LIN7A: variants seen among roughly 807,000 people sequenced by gnomAD.
The protein encoded by LIN7A is lin-7 cell polarity scaffold A.
A neutral mutation model predicts 29.8 loss-of-function variants in LIN7A; 25 were observed. The ratio of observed to expected loss-of-function variants is 0.84; its 90% confidence interval spans 0.61 to 1.17. The LOEUF is 1.17. LIN7A is among the 50% of genes most tolerant of loss of function. LIN7A has a pLI of 0.00. For synonymous variants in LIN7A, 118 were observed against 107.5 expected (o/e 1.10, Z -0.60); for missense variants, 239 against 287.0 (o/e 0.83, Z 1.21).
At chr12:80,862,572 G>A (rs1394394420) in intron 2 of LIN7A, among the ~76,000 whole-genome samples, 4 of 152,042 alleles carry the variant, frequency 2.6e-5, no homozygotes, top group Non-Finnish European at 4.4e-5. Flanking sequence ...GGCCAACAGC[G>A]CTATAATGCA....
At chr12:80,838,408 C>G (rs1182867289) in intron 4 of LIN7A, among the ~76,000 whole-genome samples, 1 of 152,184 alleles carries the variant, frequency 6.6e-6, no homozygotes, top group African/African-American at 2.4e-5. Context: ...TAAAAGATCT[C>G]TTATTGTGAG....
rs1871296966 is a variant in LIN7A at position 80,811,611 on chromosome 12, C to A, written c.556G>T (p.Val186Leu). 1 of 1,614,090 alleles carries A rather than the reference C, an allele frequency of 6.2e-7. No individual in the cohort carries two copies. The highest frequency in any genetic ancestry group is 8.5e-7 in the Non-Finnish European group (1 of 1,179,988). ...KAAKDSVKLV[V>L]RYTPKVLEEM... is the part of the protein sequence containing the mutation. ...TCCAGAACTTTTGGGGTGTATCGCACCACCAGCTTGACGCTGTCTTTAGCA... is the reference window on the plus strand; with the variant it reads ...TCCAGAACTTTTGGGGTGTATCGCAACACCAGCTTGACGCTGTCTTTAGCA... The change falls in exon 5 of 6, where the codon GTG (valine) becomes TTG (leucine). Residue 186 changes from valine (V) to leucine (L), a missense_variant. Val to Leu is a conservative substitution (Grantham distance 32, BLOSUM62 1). Transcript: ENST00000552864.
intron 4 of LIN7A, chr12:80,841,858 C>G (rs1404277860): frequency 2.1e-5 from 21 of 999,764 alleles, no homozygotes; most frequent in Non-Finnish European, 2.4e-5. Context: ...CATTAGAAAG[C>G]TATAAATTCT....
At chr12:80,917,914 T>A (rs1369803647) in intron 1 of LIN7A, among the ~76,000 whole-genome samples, 15 of 152,256 alleles carry the variant, frequency 9.9e-5, no homozygotes, top group Non-Finnish European at 7.3e-5. Context: ...AGCACACTTT[T>A]GGAAGGGACT....
chr12:80,930,624 G>A (rs375504233), intron 1 of LIN7A, among the ~76,000 whole-genome samples: 7 of 152,132 alleles, frequency 4.6e-5, no homozygotes, highest in South Asian at 2.1e-4. Context: ...ACATTAGCTC[G>A]TGCGATTCAA....
Position 80,845,943 on chromosome 12 carries a change from A to G in LIN7A, c.274-4T>C, listed in dbSNP as rs765767089. On this transcript the variant is annotated splice_region_variant and splice_polypyrimidine_tract_variant and intron_variant, in intron 3 of 5. Transcript: ENST00000552864. ...CTGCAAAAGCTGCAACTGTTGCCTG[A>G]AAAAAAAAAAAAAAGATGGTCTTTT... 28 of 245,736 alleles carry G rather than the reference A, an allele frequency of 1.1e-4. No individual in the cohort carries two copies. The South Asian group carries it at 2.2e-3, about 19-fold the overall frequency. 15.2% of individuals were successfully genotyped at this position (245,736 alleles called of 1,614,324 possible).
In LIN7A at chr12:80,811,534, C is replaced by G; in HGVS notation, c.633G>C (p.Gln211His). Residue 211 changes from glutamine to histidine, a missense_variant, in exon 5 of 6, where the codon CAG becomes CAC. Gln to His is a conservative substitution (Grantham distance 24). Coordinates refer to ENST00000552864, the MANE Select transcript of LIN7A (RefSeq NM_004664.4). ...EKLRTARRRQ[Q>H]QQLLIQQQQQ... ...GCTGCTGCTGAATTAGCAATTGCTGCTGCTGCCGACGCCTGGCTGTTCGTA... is the reference window on the plus strand; with the variant it reads ...GCTGCTGCTGAATTAGCAATTGCTGGTGCTGCCGACGCCTGGCTGTTCGTA... 6.2e-7 allele frequency: 1 copy of G among 1,612,616 alleles called. No homozygotes were observed. The highest frequency in any genetic ancestry group is 8.5e-7 in the Non-Finnish European group (1 of 1,179,240).
At chr12:80,843,583 C>T (rs1396507074) in intron 4 of LIN7A, among the ~76,000 whole-genome samples, 1 of 152,086 alleles carries the variant, frequency 6.6e-6, no homozygotes, top group African/African-American at 2.4e-5. Flanking sequence ...GGTTGTTAAT[C>T]CTCACCAACC....
chr12:80,845,285 G>A (rs1411715430), intron 4 of LIN7A, among the ~76,000 whole-genome samples: 1 of 150,262 alleles, frequency 6.7e-6, no homozygotes, highest in East Asian at 1.9e-4. Flanking sequence ...TTTTTCATAT[G>A]TGTTATTATT....
chr12:80,879,094 T>C (rs973981527), intron 2 of LIN7A, among the ~76,000 whole-genome samples: 3 of 152,220 alleles, frequency 2.0e-5, no homozygotes, highest in Non-Finnish European at 4.4e-5. Flanking sequence ...CAAGTATCCA[T>C]ACATGCTCAG....
At chr12:80,879,645 CAAAAAAAAAAAAAAAAAA>C (rs530877505) in intron 2 of LIN7A, among the ~76,000 whole-genome samples, 1 of 58,732 alleles carries the variant, frequency 1.7e-5, no homozygotes, top group Non-Finnish European at 2.6e-5. Flanking sequence ...TGGAGCAGCC[CAAAAAAAAAAAAAAAAAA>C]AAAAAAAAAG....
chr12:80,856,304 G>C (rs1004396415), intron 2 of LIN7A, among the ~76,000 whole-genome samples: 1 of 152,244 alleles, frequency 6.6e-6, no homozygotes, highest in South Asian at 2.1e-4. Context: ...ATACTGACAG[G>C]TATAAAGAAG....
Position 80,799,641 on chromosome 12 carries a change from T to C in LIN7A, c.*1-1915A>G, listed in dbSNP as rs918613028. 2.3e-4 allele frequency among the ~76,000 whole-genome samples: 35 copies of C among 152,182 alleles called. 1 individual carries two copies. Among genetic ancestry groups the C allele is most frequent in the African/African-American group, 8.0e-4 (33 of 41,448 alleles). On this transcript the variant is annotated intron_variant, in intron 5 of 5. Coordinates refer to ENST00000552864, the MANE Select transcript of LIN7A (RefSeq NM_004664.4). Reference sequence around the variant, plus strand: ...TAAAAAATAAAAATGTTTTGATAAGTTGTGGGAACCAAAAAATCAATCATC... The same window carrying C: ...TAAAAAATAAAAATGTTTTGATAAGCTGTGGGAACCAAAAAATCAATCATC...
chr12:80,844,297 A>T (rs1872958055), intron 4 of LIN7A, among the ~76,000 whole-genome samples: 1 of 152,224 alleles, frequency 6.6e-6, no homozygotes, highest in South Asian at 2.1e-4. Flanking sequence ...TAGTAATTGG[A>T]ATGCTGAAGT....
intron 4 of LIN7A, among the ~76,000 whole-genome samples, chr12:80,833,950 G>A (rs1173626609): frequency 6.6e-6 from 1 of 152,068 alleles, no homozygotes; most frequent in African/African-American, 2.4e-5. Context: ...TTTCCCTCTT[G>A]ATTATCTCTG....
At chr12:80,847,577 TTG>T (rs758716169) in intron 3 of LIN7A, among the ~76,000 whole-genome samples, 70 of 152,306 alleles carry the variant, frequency 4.6e-4, no homozygotes, top group Middle Eastern at 3.4e-3. Context: ...ATTATAACAT[TTG>T]TGTGTTTGTA....
intron 4 of LIN7A, among the ~76,000 whole-genome samples, chr12:80,820,152 GCT>G (rs1420513613): frequency 4.6e-5 from 7 of 152,202 alleles, no homozygotes; most frequent in Admixed American, 3.3e-4. Context: ...ACAATGTCGC[GCT>G]CTGTTAGGTA....
Position 80,907,053 on chromosome 12 carries a change from C to CTGTGTGTGTGTGTGTGTGTG in LIN7A, c.83-17685_83-17684insCACACACACACACACACACA, listed in dbSNP as rs1491359652. Among the ~76,000 whole-genome samples, 23 of 133,014 alleles carry CTGTGTGTGTGTGTGTGTGTG rather than the reference C, an allele frequency of 1.7e-4. 1 individual carries two copies. The highest frequency in any genetic ancestry group is 4.7e-4 in the East Asian group (2 of 4,254). The allele number at this position is 133,014 out of a possible 152,430, so 87.3% of individuals were successfully genotyped here. Reference sequence around the variant, plus strand: ...AATAGAACATACCTCAGAGTGCGTGCTCTGTGTGTGTGTGTGTGTGTGTGT... The same window carrying CTGTGTGTGTGTGTGTGTGTG: ...AATAGAACATACCTCAGAGTGCGTGCTGTGTGTGTGTGTGTGTGTGTCTGTGTGTGTGTGTGTGTGTGTGT... On this transcript the variant is annotated intron_variant, in intron 1 of 5. Coordinates refer to ENST00000552864, the MANE Select transcript of LIN7A (RefSeq NM_004664.4).
At chr12:80,937,438 AGTGG>A in intron 1 of LIN7A, 199 bp downstream of exon 1, 1 of 401,416 alleles carries the variant, frequency 2.5e-6, no homozygotes. Flanking sequence ...GGGCGAGTAC[AGTGG>A]GAAGGGGCAG....
Sources: allele counts gnomAD v4.1 joint callset (sites outside exome capture counted in the v4.1 genomes callset), GRCh38; gene constraint gnomAD v4.1.1; transcripts MANE v1.5; gene names NCBI Gene and HGNC (gene_info 2026-07-23, HGNC 2026-07-21).